RNF38: variants seen among roughly 807,000 people sequenced by gnomAD.
RNF38 encodes the protein ring finger protein 38.
RNF38 carries 15 observed loss-of-function variants against 67.2 expected under a neutral mutation model. The ratio of observed to expected loss-of-function variants is 0.22; its 90% confidence interval spans 0.15 to 0.34. The LOEUF is 0.34. Ranked by LOEUF, RNF38 falls within the 10% of genes least tolerant of loss-of-function variation. RNF38 has a pLI of 1.00. For synonymous variants in RNF38, 220 were observed against 218.8 expected, an observed-to-expected ratio of 1.01 and a Z score of -0.05; for missense variants, 524 against 639.9, an observed-to-expected ratio of 0.82 and a Z score of 1.95.
chr9:36,441,548 C>T (rs1839191373), intron 1 of RNF38, among the ~76,000 whole-genome samples: 1 of 152,140 alleles, frequency 6.6e-6, no homozygotes, highest in African/African-American at 2.4e-5. Flanking sequence ...TGGTCTTGAA[C>T]TCCTGACCTC....
In RNF38 at chr9:36,369,885, T is replaced by A; in HGVS notation, c.404A>T (p.His135Leu). ...GTTTTCATCTTGACTAATGGAATTA[T>A]GTCGAGACAGACGATCCCTTCTTCC... ...QRGRRDRLSR[H>L]NSISQDENYH... The change falls in exon 4 of 12, where the codon CAT becomes CTT. Residue 135 changes from histidine to leucine, a missense_variant. Physicochemically the swap from His to Leu is moderately conservative, Grantham distance 99. Coordinates refer to ENST00000259605, the MANE Select transcript of RNF38 (RefSeq NM_022781.5). 1 of 1,613,624 alleles carries A rather than the reference T, an allele frequency of 6.2e-7. No individual in the cohort carries two copies.
intron 3 of RNF38, among the ~76,000 whole-genome samples, chr9:36,370,787 A>G (rs1382230474): frequency 6.6e-6 from 1 of 152,082 alleles, no homozygotes; most frequent in African/African-American, 2.4e-5. Flanking sequence ...GTGCACCTAT[A>G]GTCCCAGCTA....
intron 1 of RNF38, among the ~76,000 whole-genome samples, chr9:36,474,050 AC>A (rs1283532414): frequency 4.6e-5 from 7 of 150,656 alleles, no homozygotes; most frequent in African/African-American, 1.7e-4. Flanking sequence ...GCGGTGGCTC[AC>A]ACCTCTAATC....
chr9:36,461,361 G>C (rs1839730112), intron 1 of RNF38, among the ~76,000 whole-genome samples: 1 of 152,196 alleles, frequency 6.6e-6, no homozygotes, highest in Non-Finnish European at 1.5e-5. Flanking sequence ...TCTTTAGACT[G>C]AGTAGTCAAG....
At chr9:36,468,468 A>G (rs968983592) in intron 1 of RNF38, among the ~76,000 whole-genome samples, 1 of 152,174 alleles carries the variant, frequency 6.6e-6, no homozygotes, top group South Asian at 2.1e-4. Flanking sequence ...ATGGATCTGG[A>G]GAGGTAAAGA....
At chr9:36,430,857 A>C (rs1199025248) in intron 1 of RNF38, among the ~76,000 whole-genome samples, 9 of 152,070 alleles carry the variant, frequency 5.9e-5, no homozygotes, top group African/African-American at 2.2e-4. Flanking sequence ...AAAAAAAAAA[A>C]AATCAACATG....
At chr9:36,465,079 G>A (rs1839828658) in intron 1 of RNF38, among the ~76,000 whole-genome samples, 1 of 152,106 alleles carries the variant, frequency 6.6e-6, no homozygotes. Context: ...CCACTAGGAG[G>A]GCTATAATCA....
intron 2 of RNF38, among the ~76,000 whole-genome samples, chr9:36,377,590 T>C (rs1377985923): frequency 6.6e-6 from 1 of 152,196 alleles, no homozygotes; most frequent in Non-Finnish European, 1.5e-5. Flanking sequence ...CCTACCACCA[T>C]ACTAACCTTA....
intron 1 of RNF38, among the ~76,000 whole-genome samples, chr9:36,473,228 A>C (rs1840038613): frequency 6.6e-6 from 1 of 151,462 alleles, no homozygotes. Context: ...CAGGAGGCTG[A>C]GGCAGGAGGA....
chr9:36,426,161 T>C (rs1451064863), intron 1 of RNF38, among the ~76,000 whole-genome samples: 1 of 152,242 alleles, frequency 6.6e-6, no homozygotes, highest in Non-Finnish European at 1.5e-5. Flanking sequence ...GGATTTGTTT[T>C]GTTTTGTCTT....
chr9:36,483,732 C>G (rs767904788), intron 1 of RNF38, among the ~76,000 whole-genome samples: 1 of 152,208 alleles, frequency 6.6e-6, no homozygotes, highest in African/African-American at 2.4e-5. Flanking sequence ...GATCATCTTT[C>G]TCTTAAGACA....
chr9:36,385,714 T>C (rs1170593377), intron 2 of RNF38, among the ~76,000 whole-genome samples: 1 of 152,130 alleles, frequency 6.6e-6, no homozygotes. Context: ...AACCATTACA[T>C]CTGAGAAGTA....
At chr9:36,379,652 C>G (rs151077999) in intron 2 of RNF38, among the ~76,000 whole-genome samples, 1 of 151,982 alleles carries the variant, frequency 6.6e-6, no homozygotes, top group South Asian at 2.1e-4. Context: ...ACAGAAGTAA[C>G]CCAGAGAGTA....
chr9:36,458,430 A>G (rs192385340), intron 1 of RNF38, among the ~76,000 whole-genome samples: 11 of 152,312 alleles, frequency 7.2e-5, no homozygotes, highest in Admixed American at 5.9e-4. Context: ...TGCTCTTCAC[A>G]GTAGATCTTG....
chr9:36,378,381 T>C (rs940658509), intron 2 of RNF38, among the ~76,000 whole-genome samples: 2 of 152,062 alleles, frequency 1.3e-5, no homozygotes, highest in African/African-American at 4.8e-5. Context: ...TTTCACCTTG[T>C]TAGCTAGGAT....
At chr9:36,449,826 A>G (rs1157494222) in intron 1 of RNF38, among the ~76,000 whole-genome samples, 3 of 152,194 alleles carry the variant, frequency 2.0e-5, no homozygotes, top group Non-Finnish European at 2.9e-5. Context: ...GGATGGAAGA[A>G]GCTTTGTGGA....
chr9:36,352,277 C>A (rs1403914451), intron 8 of RNF38, among the ~76,000 whole-genome samples: 1 of 151,346 alleles, frequency 6.6e-6, no homozygotes, highest in African/African-American at 2.4e-5. Context: ...TGCACTCCAG[C>A]ACAGACTTAA....
chr9:36,427,426 G>A (rs1426545039), intron 1 of RNF38, among the ~76,000 whole-genome samples: 7 of 152,066 alleles, frequency 4.6e-5, no homozygotes, highest in Non-Finnish European at 1.0e-4. Context: ...AAATTCCTAT[G>A]TTGAAACCTA....
chr9:36,478,191 T>C (rs1012226642), intron 1 of RNF38, among the ~76,000 whole-genome samples: 7 of 151,314 alleles, frequency 4.6e-5, no homozygotes, highest in Non-Finnish European at 8.8e-5. Flanking sequence ...TCCCAGCACT[T>C]TGGGAGGCTG....
Sources: allele counts gnomAD v4.1 joint callset (sites outside exome capture counted in the v4.1 genomes callset), GRCh38; gene constraint gnomAD v4.1.1; transcripts MANE v1.5; gene names NCBI Gene and HGNC (gene_info 2026-07-23, HGNC 2026-07-21).